CALN1: variants seen among roughly 807,000 people sequenced by gnomAD.
CALN1 encodes calneuron 1.
A neutral mutation model predicts 30.6 loss-of-function variants in CALN1; 17 were observed. The ratio of observed to expected loss-of-function variants is 0.56; its 90% confidence interval spans 0.38 to 0.83. The LOEUF is 0.83. Ranked by LOEUF, CALN1 falls within the 40% of genes least tolerant of loss-of-function variation. The pLI is 0.00. For missense variants in CALN1, 291 were observed against 354.9 expected (o/e 0.82, Z 1.45); for synonymous variants, 156 against 131.4 (o/e 1.19, Z -1.28).
intron 3 of CALN1, among the ~76,000 whole-genome samples, chr7:72,231,182 T>C (rs545789929): frequency 1.3e-4 from 20 of 152,222 alleles, no homozygotes; most frequent in East Asian, 5.8e-4. Context: ...GTTTGTTACA[T>C]AGGTAAACAT....
intron 2 of CALN1, among the ~76,000 whole-genome samples, chr7:72,324,967 T>C (rs1483674180): frequency 1.3e-5 from 2 of 152,184 alleles, no homozygotes; most frequent in Non-Finnish European, 2.9e-5. Context: ...CAGATGCATT[T>C]ATCTCTTTGG....
chr7:71,814,834 CTT>C (rs201392659), intron 5 of CALN1, among the ~76,000 whole-genome samples: 23,073 of 142,044 alleles, frequency 0.16, 2,318 homozygotes, highest in East Asian at 0.57. Flanking sequence ...AGTTAATCAA[CTT>C]TTTTTTTTTT....
chr7:72,166,964 G>C (rs1290918040), intron 3 of CALN1, among the ~76,000 whole-genome samples: 1 of 152,058 alleles, frequency 6.6e-6, no homozygotes, highest in Non-Finnish European at 1.5e-5. Flanking sequence ...AACTGGGAAG[G>C]TGAAGGTTGT....
At chr7:72,288,346 G>T (rs894076103) in intron 2 of CALN1, among the ~76,000 whole-genome samples, 2 of 152,122 alleles carry the variant, frequency 1.3e-5, no homozygotes, top group Admixed American at 1.3e-4. Context: ...TATGACATGG[G>T]AGCTGGATCA....
At chr7:72,337,353 A>G in intron 2 of CALN1, 3 of 919,312 alleles carry the variant, frequency 3.3e-6, no homozygotes, top group Non-Finnish European at 3.9e-6. Context: ...CGCCTCTCCA[A>G]TGGCTCCCTC....
chr7:72,434,180 G>A (rs1332079304), intron 1 of CALN1, among the ~76,000 whole-genome samples: 1 of 151,754 alleles, frequency 6.6e-6, no homozygotes, highest in Admixed American at 6.6e-5. Flanking sequence ...TAACAAATAG[G>A]AAAATAACAT....
chr7:72,147,907 T>C (rs373479439), intron 3 of CALN1, among the ~76,000 whole-genome samples: 134 of 127,050 alleles, frequency 1.1e-3, no homozygotes, highest in African/African-American at 3.8e-3. Flanking sequence ...TTGACAACAC[T>C]TGGACACAGG....
chr7:71,794,482 T>G (rs532511857), intron 6 of CALN1, among the ~76,000 whole-genome samples: 1 of 152,200 alleles, frequency 6.6e-6, no homozygotes, highest in Admixed American at 6.5e-5. Context: ...AAGATCTGAC[T>G]TCTTCTCCTA....
chr7:72,159,860 G>C (rs928417837), intron 3 of CALN1, among the ~76,000 whole-genome samples: 7 of 152,116 alleles, frequency 4.6e-5, no homozygotes, highest in African/African-American at 1.7e-4. Flanking sequence ...AGAATTGACA[G>C]AGCTGAGTGA....
chr7:71,818,672 T>TTTTA (rs72244772), intron 5 of CALN1, among the ~76,000 whole-genome samples: 2,006 of 131,100 alleles, frequency 0.015, 32 homozygotes, highest in African/African-American at 0.032. Context: ...GACCAGCTTA[T>TTTTA]TTTATTTATT....
rs58009615 is a variant in CALN1 at position 72,303,572 on chromosome 7, G to GA, written c.120-24763dup. Among the ~76,000 whole-genome samples the GA allele has an allele frequency of 8.0e-4, 110 of 137,764 alleles. 1 individual carries two copies. The highest frequency in any genetic ancestry group is 3.5e-3 in the South Asian group (15 of 4,250). 90.4% of individuals were successfully genotyped at this position (137,764 alleles called of 152,430 possible). ...AACTCCATCTCAAAAAAAAGAAAAA[G>GA]AAAAAAAAAAAAGAAACTGCATATG... On this transcript the variant is annotated intron_variant, in intron 2 of 6. Coordinates refer to ENST00000395275, the MANE Select transcript of CALN1 (RefSeq NM_031468.4).
chr7:72,298,244 ATT>A (rs1233981297), intron 2 of CALN1, among the ~76,000 whole-genome samples: 1 of 152,136 alleles, frequency 6.6e-6, no homozygotes, highest in African/African-American at 2.4e-5. Flanking sequence ...TGCGACTCTT[ATT>A]TGTGTTTGAC....
chr7:71,941,312 C>T (rs1233471804), intron 5 of CALN1, among the ~76,000 whole-genome samples: 1 of 150,976 alleles, frequency 6.6e-6, no homozygotes, highest in Non-Finnish European at 1.5e-5. Flanking sequence ...GATCACACCA[C>T]TCCACTCCAG....
intron 2 of CALN1, among the ~76,000 whole-genome samples, chr7:72,305,503 C>T (rs1799589539): frequency 6.6e-6 from 1 of 152,186 alleles, no homozygotes; most frequent in Non-Finnish European, 1.5e-5. Flanking sequence ...CCATACACTT[C>T]TAGCTGCTCA....
intron 4 of CALN1, among the ~76,000 whole-genome samples, chr7:72,035,087 C>G (rs1373248701): frequency 6.6e-6 from 1 of 152,134 alleles, no homozygotes; most frequent in African/African-American, 2.4e-5. Flanking sequence ...GTTCTCATGA[C>G]AGCTCCTTCT....
intron 5 of CALN1, among the ~76,000 whole-genome samples, chr7:71,901,668 G>C (rs1325350265): frequency 6.6e-6 from 1 of 152,114 alleles, no homozygotes. Context: ...ATATACTGGG[G>C]AAGGGACACC....
At chr7:72,029,082 C>A (rs2129531455) in intron 4 of CALN1, among the ~76,000 whole-genome samples, 2 of 152,186 alleles carry the variant, frequency 1.3e-5, no homozygotes, top group South Asian at 4.2e-4. Context: ...CTGATAATTC[C>A]CTAAGTAATA....
At chr7:72,474,988 C>G in the CALN1 span, among the ~76,000 whole-genome samples, 176 of 152,292 alleles carry the variant, frequency 1.2e-3, no homozygotes, top group African/African-American at 3.4e-3. Flanking sequence ...TTTGTCCCCC[C>G]CAAGCCTGGG....
At chr7:71,822,393 C>T (rs939815943) in intron 5 of CALN1, among the ~76,000 whole-genome samples, 3 of 152,092 alleles carry the variant, frequency 2.0e-5, no homozygotes, top group South Asian at 2.1e-4. Context: ...GGATTACAGG[C>T]GTGTGCCATC....
Sources: gnomAD v4.1 joint callset for allele counts (sites outside exome capture counted in the v4.1 genomes callset) on GRCh38, gnomAD v4.1.1 for gene constraint, MANE v1.5 for transcripts, NCBI Gene and HGNC (gene_info 2026-07-23, HGNC 2026-07-21) for gene names.